Variants in SUMF1 observed in about 807,000 individuals in gnomAD.
SUMF1 encodes the protein formylglycine-generating enzyme.
SUMF1 carries 48 observed loss-of-function variants against 47.6 expected under a neutral mutation model. The observed-to-expected ratio is 1.01, with a 90% CI of 0.80 to 1.28. The LOEUF (loss-of-function observed/expected upper bound fraction) is 1.28, where lower values mean the gene tolerates loss of function less well. Among genes scored for constraint, SUMF1 ranks in the 50% most tolerant of loss-of-function variants. SUMF1 has a pLI of 0.00. For missense variants in SUMF1, 571 were observed against 485.4 expected (o/e 1.18, Z -1.66); for synonymous variants, 230 against 192.1 (o/e 1.20, Z -1.63).
At chr3:4,249,657 C>T (rs906028861) in intron 8 of SUMF1, among the ~76,000 whole-genome samples, 2 of 152,052 alleles carry the variant, frequency 1.3e-5, no homozygotes, top group African/African-American at 4.8e-5. Flanking sequence ...GAAATTATGC[C>T]AACTAATAAC....
At chr3:4,347,655 T>A (rs1315589442) in intron 8 of SUMF1, among the ~76,000 whole-genome samples, 1 of 152,172 alleles carries the variant, frequency 6.6e-6, no homozygotes, top group Non-Finnish European at 1.5e-5. Context: ...CCACTCTTAT[T>A]CAACATTGTA....
chr3:4,336,321 T>C (rs1462503814), intron 8 of SUMF1, among the ~76,000 whole-genome samples: 1 of 152,192 alleles, frequency 6.6e-6, no homozygotes, highest in Non-Finnish European at 1.5e-5. Flanking sequence ...TCTGATTAGC[T>C]TCACTGAATC....
At chr3:4,403,034 C>G (rs1701264709) in intron 7 of SUMF1, among the ~76,000 whole-genome samples, 1 of 152,160 alleles carries the variant, frequency 6.6e-6, no homozygotes, top group Non-Finnish European at 1.5e-5. Context: ...GCCTGTAGTA[C>G]CAGTAGGATA....
At chr3:4,369,475 C>A (rs1392163135) in intron 8 of SUMF1, among the ~76,000 whole-genome samples, 1 of 152,150 alleles carries the variant, frequency 6.6e-6, no homozygotes, top group Non-Finnish European at 1.5e-5. Flanking sequence ...GAATCAAGTT[C>A]CTGTGGATAA....
At chr3:4,456,727 CGTGT>C (rs1311113739) in intron 1 of SUMF1, among the ~76,000 whole-genome samples, 5 of 50,380 alleles carry the variant, frequency 9.9e-5, no homozygotes, top group African/African-American at 2.5e-4. Context: ...CATATATATA[CGTGT>C]GTATATATAC....
intron 8 of SUMF1, among the ~76,000 whole-genome samples, chr3:4,152,446 C>T (rs538986087): frequency 2.0e-5 from 3 of 151,304 alleles, no homozygotes; most frequent in Middle Eastern, 3.4e-3. Flanking sequence ...GGCCCCAACA[C>T]CCGGATTTGC....
At chr3:4,054,778 C>A (rs1225901409) in intron 9 of SUMF1, among the ~76,000 whole-genome samples, 1 of 152,196 alleles carries the variant, frequency 6.6e-6, no homozygotes, top group Non-Finnish European at 1.5e-5. Flanking sequence ...ACAACAACAT[C>A]TTTTAACAGA....
At chr3:4,250,282 A>G (rs2662133) in intron 8 of SUMF1, among the ~76,000 whole-genome samples, 94,363 of 143,168 alleles carry the variant, frequency 0.66, 32,013 homozygotes, top group African/African-American at 0.84. Flanking sequence ...GAAAGGGGGA[A>G]GGAAGGGAAG....
At chr3:4,198,249 A>G (rs1368146429) in intron 8 of SUMF1, among the ~76,000 whole-genome samples, 2 of 152,078 alleles carry the variant, frequency 1.3e-5, no homozygotes, top group East Asian at 3.9e-4. Context: ...CCTCCTATGG[A>G]GTAACATGCA....
chr3:4,316,469 T>C (rs777987235), intron 8 of SUMF1: 1 of 1,604,886 alleles, frequency 6.2e-7, no homozygotes, highest in Non-Finnish European at 8.5e-7. Context: ...CTGATCCCCT[T>C]ACAACTACAC....
chr3:4,225,463 C>T (rs1243193411), intron 8 of SUMF1, among the ~76,000 whole-genome samples: 1 of 152,122 alleles, frequency 6.6e-6, no homozygotes, highest in Non-Finnish European at 1.5e-5. Context: ...CCAATGAATG[C>T]TTGTGTCATA....
intron 8 of SUMF1, among the ~76,000 whole-genome samples, chr3:4,075,246 T>C (rs1379926694): frequency 6.6e-6 from 1 of 152,060 alleles, no homozygotes; most frequent in African/African-American, 2.4e-5. Flanking sequence ...AAAAACCACA[T>C]GATTATCTCA....
intron 8 of SUMF1, among the ~76,000 whole-genome samples, chr3:4,368,682 T>C (rs1239172036): frequency 6.6e-6 from 1 of 152,082 alleles, no homozygotes; most frequent in Non-Finnish European, 1.5e-5. Flanking sequence ...CACTGCCCAA[T>C]ACACAAGCCC....
At chr3:4,281,320 G>C (rs1487236646) in intron 8 of SUMF1, among the ~76,000 whole-genome samples, 1 of 152,116 alleles carries the variant, frequency 6.6e-6, no homozygotes, top group Non-Finnish European at 1.5e-5. Context: ...TCAGGGAAGG[G>C]ATGGTGGAGA....
intron 8 of SUMF1, among the ~76,000 whole-genome samples, chr3:4,290,522 C>A (rs138339635): frequency 6.6e-6 from 1 of 152,248 alleles, no homozygotes; most frequent in East Asian, 1.9e-4. Flanking sequence ...ATTTTAAGAA[C>A]GAGAAGGTAA....
At chr3:4,034,599 CA>C (rs1202144475) in intron 9 of SUMF1, among the ~76,000 whole-genome samples, 1 of 152,084 alleles carries the variant, frequency 6.6e-6, no homozygotes, top group African/African-American at 2.4e-5. Context: ...CTCGCAAATT[CA>C]AGTTTGAGAA....
intron 8 of SUMF1, among the ~76,000 whole-genome samples, chr3:4,364,061 C>A (rs2125182456): frequency 1.5e-5 from 2 of 132,882 alleles, no homozygotes; most frequent in Middle Eastern, 7.8e-3. Context: ...GACTTGCATC[C>A]CAGGGATGAA....
In SUMF1 at chr3:4,240,931, A is replaced by C. The variant is rs541604660; in HGVS notation, c.1014+135399T>G. ...GACCTTTATAAAGACTTAAATGACA[A>C]ATGACATATTTTTCAGGACACTAGG... On this transcript the variant is annotated intron_variant and NMD_transcript_variant, in intron 8 of 12. Coordinates refer to the SUMF1 transcript ENST00000448413. 1.9e-4 allele frequency among the ~76,000 whole-genome samples: 29 copies of C among 152,130 alleles called. No individual in the cohort carries two copies. In the South Asian group the frequency reaches 5.2e-3, roughly 27 times the overall value.
Position 4,444,443 on chromosome 3 carries a change from G to A in SUMF1, c.519+4823C>T, listed in dbSNP as rs557196955. ...AAATGGAAAGAGTACTCTCTATAAT[G>A]GACATATGTTTCAATAATACAGAAA... On this transcript the variant is annotated intron_variant, in intron 3 of 8. Coordinates refer to ENST00000272902, the MANE Select transcript of SUMF1 (RefSeq NM_182760.4). 2.6e-5 allele frequency among the ~76,000 whole-genome samples: 4 copies of A among 152,188 alleles called. No individual in the cohort carries two copies. In the East Asian group the frequency reaches 7.7e-4, roughly 29 times the overall value.
Sources: allele counts gnomAD v4.1 joint callset (sites outside exome capture counted in the v4.1 genomes callset), GRCh38; gene constraint gnomAD v4.1.1; transcripts MANE v1.5; gene names NCBI Gene and HGNC (gene_info 2026-07-23, HGNC 2026-07-21).